Variants in SYN2 observed in about 807,000 individuals in gnomAD.
The protein encoded by SYN2 is synapsin-2.
In SYN2, 19 loss-of-function variants were observed where a neutral mutation model predicts 50.9. The observed-to-expected ratio is 0.37, with a 90% confidence interval of 0.26 to 0.55. The LOEUF (loss-of-function observed/expected upper bound fraction) is 0.55. Ranked by LOEUF, SYN2 falls within the 20% of genes least tolerant of loss-of-function variation. The pLI, the probability that SYN2 is intolerant of heterozygous loss-of-function variation, is 0.81. For missense variants in SYN2, 587 were observed against 576.4 expected (o/e 1.02, Z -0.19); for synonymous variants, 255 against 224.9 (o/e 1.13, Z -1.20).
intron 11 of SYN2, chr3:12,183,943 A>G (rs1698284049): frequency 1.0e-6 from 1 of 992,144 alleles, no homozygotes; most frequent in Non-Finnish European, 1.2e-6. Context: ...TTCTTTCTGC[A>G]TGACTATTGT....
At chr3:12,165,995 G>T (rs1035779546) in intron 7 of SYN2, among the ~76,000 whole-genome samples, 1 of 152,136 alleles carries the variant, frequency 6.6e-6, no homozygotes, top group African/African-American at 2.4e-5. Context: ...TATCTGTCAA[G>T]CAGGGGCAAG....
intron 1 of SYN2, among the ~76,000 whole-genome samples, chr3:12,086,742 A>G (rs940907625): frequency 2.0e-5 from 3 of 152,356 alleles, no homozygotes; most frequent in Non-Finnish European, 4.4e-5. Flanking sequence ...ATATATGACA[A>G]GCCCACAGCT....
intron 1 of SYN2, among the ~76,000 whole-genome samples, chr3:12,009,752 A>G (rs950393241): frequency 3.3e-5 from 5 of 152,210 alleles, no homozygotes; most frequent in East Asian, 1.9e-4. Context: ...CAATTACACT[A>G]TTCCTTGTTT....
chr3:12,188,824 C>T (rs1283145037), intron 12 of SYN2, among the ~76,000 whole-genome samples: 1 of 152,156 alleles, frequency 6.6e-6, no homozygotes, highest in Non-Finnish European at 1.5e-5. Context: ...TGTTTCCTGC[C>T]TGCTGACTTT....
At chr3:12,073,802 G>A (rs920588058) in intron 1 of SYN2, among the ~76,000 whole-genome samples, 41 of 152,294 alleles carry the variant, frequency 2.7e-4, no homozygotes, top group African/African-American at 9.4e-4. Flanking sequence ...TGTTTCATAT[G>A]TGCTTAAGAA....
chr3:12,132,876 T>A (rs555874807), intron 1 of SYN2, among the ~76,000 whole-genome samples: 5 of 152,242 alleles, frequency 3.3e-5, no homozygotes, highest in Non-Finnish European at 7.3e-5. Context: ...GAAACAATTT[T>A]CTGTCATTCC....
chr3:12,167,322 A>G lies in SYN2; in HGVS notation c.1055+14A>G. On this transcript the variant is annotated intron_variant, in intron 8 of 12. Coordinates refer to ENST00000621198, the MANE Select transcript of SYN2 (RefSeq NM_133625.6). ...CATGTCAGACAGGTGAGTTGAGAGA[A>G]GGAGTCCAGTTTCCAGCCCAGTGAG... 6.2e-7 allele frequency: 1 copy of G among 1,608,428 alleles called. No homozygotes were observed. Among genetic ancestry groups the G allele is most frequent in the Non-Finnish European group, 8.5e-7 (1 of 1,177,462 alleles).
At chr3:12,178,005 G>T (rs952709754) in intron 10 of SYN2, among the ~76,000 whole-genome samples, 4 of 152,196 alleles carry the variant, frequency 2.6e-5, no homozygotes, top group African/African-American at 9.6e-5. Flanking sequence ...GAAGGTGGGC[G>T]CTGGTGACTG....
chr3:12,056,646 T>A (rs1694996713), intron 1 of SYN2, among the ~76,000 whole-genome samples: 1 of 152,198 alleles, frequency 6.6e-6, no homozygotes, highest in Admixed American at 6.5e-5. Flanking sequence ...GGATTATTCT[T>A]ATTTGGCAGA....
chr3:12,018,914 GTTATGAGAGTAAGAAC>G (rs1194317683), intron 1 of SYN2, among the ~76,000 whole-genome samples: 4 of 152,176 alleles, frequency 2.6e-5, no homozygotes, highest in Non-Finnish European at 5.9e-5. Context: ...ACTTTTTCTA[GTTATGAGAGTAAGAAC>G]TTAGGGGAGG....
chr3:12,075,645 T>C (rs1372033728), intron 1 of SYN2, among the ~76,000 whole-genome samples: 3 of 152,140 alleles, frequency 2.0e-5, no homozygotes, highest in Admixed American at 6.6e-5. Flanking sequence ...TTAAAAGATA[T>C]TCTATTCCTC....
At chr3:12,176,028 G>A (rs1050934888) in intron 10 of SYN2, among the ~76,000 whole-genome samples, 10 of 152,190 alleles carry the variant, frequency 6.6e-5, no homozygotes, top group African/African-American at 2.4e-4. Flanking sequence ...GACTGTTCTC[G>A]AGGTGGCAGT....
intron 1 of SYN2, among the ~76,000 whole-genome samples, chr3:12,139,117 C>G (rs908900605): frequency 1.3e-5 from 2 of 152,086 alleles, no homozygotes; most frequent in African/African-American, 2.4e-5. Context: ...TTAAGTGGTC[C>G]AGCTCCAGGA....
intron 12 of SYN2, among the ~76,000 whole-genome samples, chr3:12,187,872 AC>A (rs34646613): frequency 0.045 from 6,826 of 151,514 alleles, 202 homozygotes; most frequent in Non-Finnish European, 0.066. Context: ...TAGAAATTCA[AC>A]CCCCTTCCCT....
At chr3:12,007,479 G>A (rs2125128551) in intron 1 of SYN2, among the ~76,000 whole-genome samples, 1 of 152,236 alleles carries the variant, frequency 6.6e-6, no homozygotes, top group East Asian at 1.9e-4. Flanking sequence ...GGTGCTTGCC[G>A]TGACAAGCGC....
At chr3:12,138,304 A>G (rs917588496) in intron 1 of SYN2, among the ~76,000 whole-genome samples, 1 of 152,214 alleles carries the variant, frequency 6.6e-6, no homozygotes, top group Admixed American at 6.5e-5. Flanking sequence ...AACAGGACAA[A>G]TTACCTTAAG....
Position 12,098,837 on chromosome 3 carries a change from A to G in SYN2, c.378-41814A>G, listed in dbSNP as rs898516534. ...ACACATTAAAGTCATTAAAGTCACA[A>G]ATAGGTTAAAAGCAAAAGCATATAT... On this transcript the variant is annotated intron_variant, in intron 1 of 12. Coordinates refer to ENST00000621198, the MANE Select transcript of SYN2 (RefSeq NM_133625.6). 7.2e-5 allele frequency among the ~76,000 whole-genome samples: 10 copies of G among 138,382 alleles called. No homozygotes were observed. The Admixed American group carries it at 7.8e-4, about 11-fold the overall frequency. The allele number at this position is 138,382 out of a possible 152,430, so 90.8% of individuals were successfully genotyped here. A position where few individuals can be genotyped will look rare whatever the true frequency, so the allele number is the denominator to read the frequency against.
chr3:12,166,194 G>A (rs1019343683), intron 7 of SYN2, among the ~76,000 whole-genome samples: 1 of 152,136 alleles, frequency 6.6e-6, no homozygotes, highest in Admixed American at 6.5e-5. Context: ...CAGATCTCTG[G>A]GGAGGACACT....
intron 1 of SYN2, among the ~76,000 whole-genome samples, chr3:12,049,908 A>G (rs538921533): frequency 1.3e-5 from 2 of 152,228 alleles, no homozygotes; most frequent in South Asian, 4.1e-4. Context: ...GTGCAACACA[A>G]AGCAATCTCG....
Sources: allele counts gnomAD v4.1 joint callset (sites outside exome capture counted in the v4.1 genomes callset), GRCh38; gene constraint gnomAD v4.1.1; transcripts MANE v1.5; gene names NCBI Gene and HGNC (gene_info 2026-07-23, HGNC 2026-07-21).